The following PPFIBP1 variants were observed in gnomAD, a reference collection of about 807,000 sequenced individuals.
PPFIBP1 encodes the protein PPFIB scaffold protein 1.
Under a neutral mutation model 137.8 loss-of-function variants are expected in PPFIBP1, and 112 were observed. The observed-to-expected ratio is 0.81, with a 90% CI of 0.70 to 0.95. PPFIBP1 has a LOEUF of 0.95. PPFIBP1 is among the 40% of genes least tolerant of loss of function. The probability of loss-of-function intolerance (pLI) is 0.00; values close to 1 mark genes in which losing one functional copy is unlikely to be tolerated. For synonymous variants in PPFIBP1, 378 were observed against 417.3 expected (o/e 0.91, Z 1.15); for missense variants, 1,083 against 1,196.6 (o/e 0.91, Z 1.40).
chr12:27,636,818 T>C (rs1178539792), intron 4 of PPFIBP1: 17 of 152,228 alleles, frequency 1.1e-4, no homozygotes, highest in Admixed American at 1.0e-3. Context: ...CTTCATCTCT[T>C]GTCACACATC....
chr12:27,691,656 G>A, intron 27 of PPFIBP1, 93 bp from the exon 28 acceptor site: 1 of 903,270 alleles, frequency 1.1e-6, no homozygotes, highest in East Asian at 2.5e-5. Flanking sequence ...AGGAGGGAGG[G>A]GGCAACGCAA....
intron 2 of PPFIBP1, among the ~76,000 whole-genome samples, chr12:27,622,817 G>A (rs1199286382): frequency 1.3e-5 from 2 of 152,186 alleles, no homozygotes; most frequent in African/African-American, 4.8e-5. Context: ...ATTTTCACAC[G>A]ATAATGCTTA....
rs562838304 is a variant in PPFIBP1 at position 27,612,603 on chromosome 12, C to T, written c.-35-20759C>T. ...GGCTTAAGCGAGCCTCCCGTCTCAG[C>T]CTCCGAAAGTGCTGGAATTACAGGT... is the stretch of plus-strand genomic sequence containing the variant. On this transcript the variant is annotated intron_variant, in intron 2 of 29. Transcript: ENST00000228425. Among the ~76,000 whole-genome samples, 12 of 152,176 alleles carry T rather than the reference C, an allele frequency of 7.9e-5. No homozygotes were observed. In the East Asian group the frequency reaches 1.9e-3, roughly 24 times the overall value.
chr12:27,647,337 A>T (rs1486696151), intron 5 of PPFIBP1, among the ~76,000 whole-genome samples: 1 of 151,974 alleles, frequency 6.6e-6, no homozygotes, highest in African/African-American at 2.4e-5. Context: ...TCTTTTTCTT[A>T]TTCTCCTTGA....
intron 17 of PPFIBP1, among the ~76,000 whole-genome samples, chr12:27,674,811 A>ATTTTTTTTTTTTTTTTTTT (rs72418237): frequency 9.2e-6 from 1 of 108,706 alleles, no homozygotes; most frequent in Non-Finnish European, 1.8e-5. Flanking sequence ...CTTTCCCCTG[A>ATTTTTTTTTTTTTTTTTTT]TTTTTTTTTT....
At chr12:27,559,319 C>T (rs1350412142) in intron 1 of PPFIBP1, among the ~76,000 whole-genome samples, 1 of 152,138 alleles carries the variant, frequency 6.6e-6, no homozygotes, top group East Asian at 1.9e-4. Context: ...CAGGCGCCCA[C>T]CACCAAGCCT....
At chr12:27,595,632 A>C (rs1288373403) in intron 2 of PPFIBP1, among the ~76,000 whole-genome samples, 1 of 152,056 alleles carries the variant, frequency 6.6e-6, no homozygotes, top group Non-Finnish European at 1.5e-5. Flanking sequence ...AGGTGGGCGG[A>C]TCACCTGAGG....
intron 1 of PPFIBP1, among the ~76,000 whole-genome samples, chr12:27,529,329 TA>T (rs1944135094): frequency 6.6e-6 from 1 of 152,320 alleles, no homozygotes; most frequent in South Asian, 2.1e-4. Flanking sequence ...GTGTCTTTGT[TA>T]AGAGGTGAAA....
intron 10 of PPFIBP1, among the ~76,000 whole-genome samples, chr12:27,660,651 C>A (rs1272370072): frequency 6.6e-6 from 1 of 152,210 alleles, no homozygotes; most frequent in African/African-American, 2.4e-5. Flanking sequence ...CTAGTTCTCA[C>A]ACACCCTTGT....
intron 1 of PPFIBP1, among the ~76,000 whole-genome samples, chr12:27,573,870 T>C (rs1565794654): frequency 6.6e-6 from 1 of 151,980 alleles, no homozygotes; most frequent in Non-Finnish European, 1.5e-5. Context: ...TATTCCTAGC[T>C]ACTCAGGAGA....
intron 24 of PPFIBP1, among the ~76,000 whole-genome samples, chr12:27,682,973 A>G (rs2060967955): frequency 1.3e-5 from 2 of 152,242 alleles, no homozygotes; most frequent in South Asian, 4.1e-4. Context: ...GGTTGATTTT[A>G]TATGTAATAC....
rs922324555 is a variant in PPFIBP1 at position 27,524,336 on chromosome 12, A to C, written c.-153A>C. 6.6e-6 allele frequency: 1 copy of C among 152,166 alleles called. No individual in the cohort carries two copies. Among genetic ancestry groups the C allele is most frequent in the African/African-American group, 2.4e-5 (1 of 41,366 alleles). The allele number at this position is 152,166 out of a possible 1,614,324, so 9.4% of individuals were successfully genotyped here. On this transcript the variant is annotated 5_prime_UTR_variant, in exon 1 of 30. Coordinates refer to ENST00000228425, the MANE Select transcript of PPFIBP1 (RefSeq NM_003622.4). ...AGAGGAGGTGGACCAGAACTTTTGGAACTAGTGCCGGCGGCTCTCCACCCC... is the reference window on the plus strand; with the variant it reads ...AGAGGAGGTGGACCAGAACTTTTGGCACTAGTGCCGGCGGCTCTCCACCCC...
At chr12:27,532,378 C>T (rs918001506) in intron 1 of PPFIBP1, among the ~76,000 whole-genome samples, 7 of 151,456 alleles carry the variant, frequency 4.6e-5, no homozygotes, top group Admixed American at 6.6e-5. Context: ...ACCAAGCACA[C>T]GTGTATGGTT....
chr12:27,563,869 C>CCT (rs1555194723), intron 1 of PPFIBP1, among the ~76,000 whole-genome samples: 1 of 142,966 alleles, frequency 7.0e-6, no homozygotes, highest in Non-Finnish European at 1.5e-5. Flanking sequence ...AAACACTTCC[C>CCT]TTTTTTTTTT....
At chr12:27,534,998 GT>G (rs1944827259) in intron 1 of PPFIBP1, among the ~76,000 whole-genome samples, 1 of 152,200 alleles carries the variant, frequency 6.6e-6, no homozygotes, top group Non-Finnish European at 1.5e-5. Flanking sequence ...CAGTCCATTG[GT>G]GGGTCTTATG....
intron 2 of PPFIBP1, among the ~76,000 whole-genome samples, chr12:27,620,595 ATAAT>A (rs1201788962): frequency 6.6e-6 from 1 of 152,200 alleles, no homozygotes; most frequent in African/African-American, 2.4e-5. Context: ...GGCACGGTAT[ATAAT>A]TAAGAGGATG....
intron 14 of PPFIBP1, among the ~76,000 whole-genome samples, chr12:27,672,189 T>C (rs2060243177): frequency 6.6e-6 from 1 of 152,202 alleles, no homozygotes. Flanking sequence ...GTTTGAAGGA[T>C]GGGTCTGAAG....
At chr12:27,549,258 T>C (rs932813599) in intron 1 of PPFIBP1, 1 of 150,066 alleles carries the variant, frequency 6.7e-6, no homozygotes, top group South Asian at 2.1e-4. Context: ...TCCTTCTCAG[T>C]GTGATCCCAC....
intron 2 of PPFIBP1, among the ~76,000 whole-genome samples, chr12:27,618,768 G>T (rs1309118969): frequency 6.6e-6 from 1 of 152,184 alleles, no homozygotes; most frequent in Non-Finnish European, 1.5e-5. Flanking sequence ...CAGGCTGTTG[G>T]TCACTCATGT....
Sources: gnomAD v4.1 joint callset for allele counts (sites outside exome capture counted in the v4.1 genomes callset) on GRCh38, gnomAD v4.1.1 for gene constraint, MANE v1.5 for transcripts, NCBI Gene and HGNC (gene_info 2026-07-23, HGNC 2026-07-21) for gene names.